Variants in LILRB4 observed in about 807,000 individuals in gnomAD.
LILRB4 encodes leukocyte immunoglobulin like receptor B4.
Under a neutral mutation model 55.2 loss-of-function variants are expected in LILRB4, and 49 were observed. That is an observed-to-expected ratio of 0.89 (90% CI 0.71 to 1.13). The LOEUF is 1.13. Ranked by LOEUF, LILRB4 falls within the 50% of genes most tolerant of loss-of-function variation. The pLI is 0.00. For missense variants in LILRB4, 590 were observed against 555.2 expected (o/e 1.06, Z -0.63); for synonymous variants, 229 against 213.8 (o/e 1.07, Z -0.62).
At chr19:54,668,094 C>A in exon 12 of LILRB4, 2 of 1,563,356 alleles carry the variant, frequency 1.3e-6, no homozygotes, top group Non-Finnish European at 1.7e-6. Flanking sequence ...CTCCAGTAGA[C>A]ATCACTGAAC....
Position 54,665,795 on chromosome 19 carries a change from C to A in LILRB4, c.758-20C>A. ...CACATCAATGACATCATCCCCATTC[C>A]TGATGTCATCACGCCCAAGGTCTGA... On this transcript the variant is annotated intron_variant, in intron 6 of 11. Coordinates refer to ENST00000430952, the Ensembl canonical transcript of LILRB4. This position sits in a 1 kb window ranked among gnomAD's most constrained non-coding sequence, Gnocchi z 5.5. The A allele has an allele frequency of 1.3e-6, 2 of 1,583,798 alleles. No individual in the cohort carries two copies. Among genetic ancestry groups the A allele is most frequent in the Non-Finnish European group, 1.7e-6 (2 of 1,165,112 alleles).
rs141237818 is a variant in LILRB4, at chr19:54,666,760, G to A, written c.1041+11G>A. The A allele has an allele frequency of 6.2e-4, 1,008 of 1,613,780 alleles. 11 individuals carry two copies. In the South Asian group the frequency reaches 8.9e-3, roughly 14 times the overall value. On this transcript the variant is annotated intron_variant, in intron 10 of 11. Coordinates refer to ENST00000430952, the Ensembl canonical transcript of LILRB4. This position sits in a 1 kb window ranked among gnomAD's most constrained non-coding sequence, Gnocchi z 4.8. Reference sequence around the variant, plus strand: ...GAAATGGACACTCGGGTGAGAACCCGCCCCTGTCCCCGGCACCAAAGGCCT... The same window carrying A: ...GAAATGGACACTCGGGTGAGAACCCACCCCTGTCCCCGGCACCAAAGGCCT...
chr19:54,666,756 A>T lies in LILRB4; in HGVS notation c.1041+7A>T, dbSNP rs374265065. 6.3e-5 allele frequency: 101 copies of T among 1,613,572 alleles called. No homozygotes were observed. Among genetic ancestry groups the T allele is most frequent in the South Asian group, 1.2e-4 (11 of 91,054 alleles). ...GGTGGAAATGGACACTCGGGTGAGA[A>T]CCCGCCCCTGTCCCCGGCACCAAAG... is the stretch of plus-strand genomic sequence containing the variant. On this transcript the variant is annotated splice_region_variant and intron_variant, in intron 10 of 11. Transcript: ENST00000430952. The surrounding 1 kb of genome is among the most constrained non-coding windows in gnomAD (Gnocchi z 4.8).
chr19:54,663,378 G>T (rs531243467), intron 1 of LILRB4, among the ~76,000 whole-genome samples, 154 bp from the exon 2 acceptor site: 4 of 143,650 alleles, frequency 2.8e-5, no homozygotes, highest in African/African-American at 1.0e-4. Context: ...CCCGGGAGGC[G>T]GAGCTTGCAG....
rs1473391629 is a variant in LILRB4, at chr19:54,665,028, G to A, written c.707-102G>A. On this transcript the variant is annotated intron_variant, in intron 5 of 11. Transcript: ENST00000430952. The surrounding 1 kb of genome is among the most constrained non-coding windows in gnomAD (Gnocchi z 5.5). The stretch of plus-strand genomic sequence containing the variant: ...CCCAAGGCCCTGAGGCTGGGCTGGT[G>A]AGGGGTGAGGGGGTCAAGGCTGAAG... The A allele has an allele frequency of 2.7e-6, 4 of 1,480,868 alleles. No individual in the cohort carries two copies. The highest frequency in any genetic ancestry group is 1.4e-5 in the African/African-American group (1 of 72,414). The allele number at this position is 1,480,868 out of a possible 1,614,324, so 91.7% of individuals were successfully genotyped here.
intron 4 of LILRB4, 100 bp from the exon 5 acceptor site, chr19:54,664,699 C>T (rs2065186083): frequency 9.2e-7 from 1 of 1,087,482 alleles, no homozygotes; most frequent in Non-Finnish European, 1.3e-6. Context: ...GAGAAATGGT[C>T]CTTGGGAAGC....
intron 1 of LILRB4, 43 bp downstream of exon 1, chr19:54,663,110 A>G: frequency 6.3e-7 from 1 of 1,591,116 alleles, no homozygotes; most frequent in Non-Finnish European, 8.6e-7. Context: ...GTCTTGGAGG[A>G]AATTTGCCTC....
Position 54,663,173 on chromosome 19 carries a change from G to T in LILRB4, c.34+106G>T, listed in dbSNP as rs945003163. 31 of 1,341,382 alleles carry T rather than the reference G, an allele frequency of 2.3e-5. No homozygotes were observed. The African/African-American group carries it at 3.7e-4, about 16-fold the overall frequency. 83.1% of individuals were successfully genotyped at this position (1,341,382 alleles called of 1,614,324 possible). ...CTCAAAAATCTCAGGGTAGCCGGGC[G>T]CGGTGGCTCACGCCTGTAATCCCAG... On this transcript the variant is annotated intron_variant, in intron 1 of 11. Transcript: ENST00000430952.
Position 54,664,051 on chromosome 19 carries a change from T to A in LILRB4, c.355+13T>A, listed in dbSNP as rs574601475. The A allele has an allele frequency of 6.2e-7, 1 of 1,607,168 alleles. No individual in the cohort carries two copies. Among genetic ancestry groups the A allele is most frequent in the African/African-American group, 1.4e-5 (1 of 73,794 alleles). ...CTGGTGATGACAGGTGAGAGGACAC[T>A]CAGGGGTCCCAGCCCCAGGCTCTGC... On this transcript the variant is annotated intron_variant, in intron 3 of 11. Coordinates refer to ENST00000430952, the Ensembl canonical transcript of LILRB4.
In LILRB4 at chr19:54,666,710, G is replaced by C. The variant is rs1400295853; in HGVS notation, c.1002G>C (p.Lys334Asn). ...CTACCCCAGCAGGTGCTGCCGTGAA[G>C]AACACACAGCCTGAGGACGGGGTGG... is the stretch of plus-strand genomic sequence containing the variant. Residue 334 changes from lysine to asparagine, a missense_variant, in exon 10 of 12, where the codon AAG (lysine) becomes AAC (asparagine). Lys to Asn is a moderately conservative substitution (Grantham distance 94). Coordinates refer to ENST00000430952, the Ensembl canonical transcript of LILRB4. This position sits in a 1 kb window ranked among gnomAD's most constrained non-coding sequence, Gnocchi z 4.8. 1 of 1,614,070 alleles carries C rather than the reference G, an allele frequency of 6.2e-7. No individual in the cohort carries two copies. The highest frequency in any genetic ancestry group is 8.5e-7 in the Non-Finnish European group (1 of 1,180,024).
At chr19:54,667,380 G>T in intron 10 of LILRB4, 1 of 685,492 alleles carries the variant, frequency 1.5e-6, no homozygotes, top group East Asian at 2.8e-5. Context: ...GGAAACAGCC[G>T]TGCAAAGGCC....
At chr19:54,667,818 C>T in intron 11 of LILRB4, 25 bp downstream of exon 11, 2 of 1,609,722 alleles carry the variant, frequency 1.2e-6, no homozygotes, top group Non-Finnish European at 1.7e-6. Flanking sequence ...CTCCAGGCCC[C>T]CAGGCCTCCC....
chr19:54,666,565 G>A lies in LILRB4; in HGVS notation c.988+129G>A, dbSNP rs953186090. 150 of 1,431,400 alleles carry A rather than the reference G, an allele frequency of 1.0e-4. 2 individuals are homozygous for A. In the Middle Eastern group the frequency reaches 2.1e-3, roughly 20 times the overall value. 88.7% of individuals were successfully genotyped at this position (1,431,400 alleles called of 1,614,324 possible). On this transcript the variant is annotated intron_variant, in intron 9 of 11. Coordinates refer to ENST00000430952, the Ensembl canonical transcript of LILRB4. This position sits in a 1 kb window ranked among gnomAD's most constrained non-coding sequence, Gnocchi z 4.8. ...GGGAGAAGTGGTCTGAACCCACATT[G>A]TGGGACCTCGGGGACATCACAGCCC...
Position 54,666,425 on chromosome 19 carries a change from G to T in LILRB4, c.977G>T (p.Gly326Val). ...TCCAGCCCAGCTGCTGACGTCCAGG[G>T]AGAAAACTTCTGTGAGTGAGAGGCA... The change falls in exon 9 of 12, where the codon GGA becomes GTA. Residue 326 changes from glycine to valine, a missense_variant. Gly to Val is a moderately radical substitution (Grantham distance 109). Transcript: ENST00000430952. The surrounding 1 kb of genome is among the most constrained non-coding windows in gnomAD (Gnocchi z 4.8). 1 of 1,614,156 alleles carries T rather than the reference G, an allele frequency of 6.2e-7. No individual in the cohort carries two copies. The highest frequency in any genetic ancestry group is 8.5e-7 in the Non-Finnish European group (1 of 1,180,000).
chr19:54,664,942 C>A, intron 5 of LILRB4, 93 bp downstream of exon 5: 1 of 1,423,164 alleles, frequency 7.0e-7, no homozygotes, highest in Non-Finnish European at 9.8e-7. Context: ...TTCCAATTCT[C>A]AGCTGGGCTT....
chr19:54,664,402 G>T (rs1434963238), exon 4 of LILRB4: 1 of 1,612,524 alleles, frequency 6.2e-7, no homozygotes, highest in African/African-American at 1.3e-5. Context: ...GTGCACGGGG[G>T]GACCTACAGG....
intron 10 of LILRB4, 130 bp from the exon 11 acceptor site, chr19:54,667,505 C>T (rs373703986): frequency 8.7e-6 from 13 of 1,495,616 alleles, no homozygotes; most frequent in South Asian, 6.8e-5. Flanking sequence ...AGACCCTCCA[C>T]GGCCTTAGGG....
intron 10 of LILRB4, chr19:54,667,148 C>T (rs970874888): frequency 1.7e-5 from 10 of 575,108 alleles, no homozygotes; most frequent in African/African-American, 5.5e-5. Context: ...GCCGCCCCCG[C>T]CTCCTGAGCT....
Position 54,667,966 on chromosome 19 carries a change from G to T in LILRB4, c.1291G>T (p.Glu431Ter), listed in dbSNP as rs776778144. ...GGCAACTGAGCCTCCTCCATCCCAG[G>T]AAGGGGCCTCTCCAGCTGAGCCCAG... The change falls in exon 12 of 12, where the codon GAA becomes TAA. Residue 431 changes from glutamate to a stop codon, truncating the protein, a stop_gained. Coordinates refer to ENST00000430952, the Ensembl canonical transcript of LILRB4. LOFTEE classifies it high-confidence loss of function. 3 of 1,613,734 alleles carry T rather than the reference G, an allele frequency of 1.9e-6. No individual in the cohort carries two copies. The highest frequency in any genetic ancestry group is 1.7e-5 in the Admixed American group (1 of 59,974).
Sources: allele counts gnomAD v4.1 joint callset (sites outside exome capture counted in the v4.1 genomes callset), GRCh38; gene constraint gnomAD v4.1.1; non-coding constraint Gnocchi (gnomAD v3.1); transcripts MANE v1.5; gene names NCBI Gene and HGNC (gene_info 2026-07-23, HGNC 2026-07-21).